Variants in PTPRO observed in about 807,000 individuals in gnomAD.
PTPRO encodes receptor-type tyrosine-protein phosphatase O.
Under a neutral mutation model 145.2 loss-of-function variants are expected in PTPRO, and 62 were observed. That is an observed-to-expected ratio of 0.43 (90% CI 0.35 to 0.53). The LOEUF is 0.53. Ranked by LOEUF, PTPRO falls within the 20% of genes least tolerant of loss-of-function variation. PTPRO has a pLI of 0.01. For missense variants in PTPRO, 1,345 were observed against 1,482.7 expected, an observed-to-expected ratio of 0.91 and a Z score of 1.53; for synonymous variants, 565 against 514.7, an observed-to-expected ratio of 1.10 and a Z score of -1.32.
chr12:15,402,198 G>A (rs908275590), intron 1 of PTPRO, among the ~76,000 whole-genome samples: 4 of 152,054 alleles, frequency 2.6e-5, no homozygotes, highest in South Asian at 2.1e-4. Context: ...GACCATCTTG[G>A]TCAACATGGT....
chr12:15,501,840 G>T lies in PTPRO; in HGVS notation c.882G>T (p.Thr294=). Residue 294 remains threonine, a synonymous_variant, in exon 5 of 27, where the codon ACG becomes ACT. Coordinates refer to ENST00000281171, the MANE Select transcript of PTPRO (RefSeq NM_030667.3). ...PDFNSSDYET[T]SQPYWWDSAS... is the part of the protein sequence containing the mutation. ...TTAATAGCAGTGACTATGAAACTAC[G>T]TCTCAGCCATATTGGTGGGACAGTG... 1.9e-6 allele frequency: 3 copies of T among 1,614,016 alleles called. No individual in the cohort carries two copies. The highest frequency in any genetic ancestry group is 2.5e-6 in the Non-Finnish European group (3 of 1,179,996).
At chr12:15,392,573 T>C (rs1939216312) in intron 1 of PTPRO, among the ~76,000 whole-genome samples, 1 of 151,784 alleles carries the variant, frequency 6.6e-6, no homozygotes, top group South Asian at 2.1e-4. Context: ...ATACAAAAAT[T>C]AGCCGGGCAT....
At chr12:15,569,694 G>A (rs932196934) in intron 19 of PTPRO, among the ~76,000 whole-genome samples, 196 bp downstream of exon 19, 1 of 152,202 alleles carries the variant, frequency 6.6e-6, no homozygotes, top group Non-Finnish European at 1.5e-5. Context: ...TGGCACAAAT[G>A]AGATGAGGGG....
chr12:15,348,780 C>T (rs1280112411), intron 1 of PTPRO: 1 of 138,618 alleles, frequency 7.2e-6, no homozygotes, highest in Non-Finnish European at 1.7e-5. Flanking sequence ...AGCGAGACTC[C>T]GTCTCAAAAA....
intron 1 of PTPRO, among the ~76,000 whole-genome samples, chr12:15,380,755 T>C (rs1938835805): frequency 6.6e-6 from 1 of 152,200 alleles, no homozygotes; most frequent in Admixed American, 6.5e-5. Flanking sequence ...AATTTTTTCT[T>C]GCACTAAAAA....
chr12:15,339,454 G>T (rs764768007), intron 1 of PTPRO, among the ~76,000 whole-genome samples: 1 of 152,108 alleles, frequency 6.6e-6, no homozygotes, highest in South Asian at 2.1e-4. Context: ...GCAGTGGTGT[G>T]CAGGAAAAAA....
chr12:15,562,741 CTTT>C (rs5796638), intron 17 of PTPRO, among the ~76,000 whole-genome samples: 1 of 144,430 alleles, frequency 6.9e-6, no homozygotes, highest in Admixed American at 6.9e-5. Context: ...AGTGTTAAAT[CTTT>C]TTTTTTTTTT....
At position 15,580,113 on chromosome 12, in the gene PTPRO, C is replaced by T; in HGVS notation, c.2995C>T (p.Pro999Ser). Residue 999 changes from proline (P) to serine (S), a missense_variant and splice_region_variant, in exon 21 of 27, where the codon CCT becomes TCT. Pro to Ser is a moderately conservative substitution (Grantham distance 74). Around this residue, in one of 3 missense-constraint regions of PTPRO, gnomAD observed 1,130 missense variants for 1,214.7 expected, o/e 0.93. Transcript: ENST00000281171. ...GADYINANYI[P>S]GYNSPQEYIA... is the part of the protein sequence containing the mutation. ...AGACTACATCAATGCCAACTATATT[C>T]CTGTAAGTAGAAAAAAAAAATCAGG... 6.2e-7 allele frequency: 1 copy of T among 1,610,520 alleles called. No homozygotes were observed.
intron 7 of PTPRO, among the ~76,000 whole-genome samples, chr12:15,511,057 T>C (rs1942430491): frequency 1.3e-5 from 2 of 151,452 alleles, no homozygotes; most frequent in South Asian, 4.2e-4. Context: ...TTAGCTATGC[T>C]GTCTAGTACA....
Position 15,546,713 on chromosome 12 carries a change from T to A in PTPRO, c.2304+5T>A, listed in dbSNP as rs766642209. 2 of 1,613,958 alleles carry A rather than the reference T, an allele frequency of 1.2e-6. No individual in the cohort carries two copies. Among genetic ancestry groups the A allele is most frequent in the Admixed American group, 3.3e-5 (2 of 60,004 alleles). ...AGTCAGAAAACCAAACTTCAGGTAC[T>A]GTACCTTTTGATCTACCTTTTCTCA... On this transcript the variant is annotated splice_donor_5th_base_variant and intron_variant, in intron 13 of 26. Coordinates refer to ENST00000281171, the MANE Select transcript of PTPRO (RefSeq NM_030667.3).
chr12:15,443,235 A>G (rs1940816986), intron 1 of PTPRO, among the ~76,000 whole-genome samples: 1 of 152,144 alleles, frequency 6.6e-6, no homozygotes, highest in Admixed American at 6.6e-5. Flanking sequence ...AATAAGCAAC[A>G]GGGAAATAAT....
intron 1 of PTPRO, among the ~76,000 whole-genome samples, chr12:15,429,356 T>C (rs1256747191): frequency 6.6e-6 from 1 of 152,168 alleles, no homozygotes. Flanking sequence ...AATTATCACA[T>C]GTTCTGAGAA....
intron 2 of PTPRO, among the ~76,000 whole-genome samples, chr12:15,496,895 T>A (rs1272359954): frequency 6.6e-6 from 1 of 152,224 alleles, no homozygotes; most frequent in Non-Finnish European, 1.5e-5. Context: ...ATACAGACTG[T>A]CATGTACTTG....
chr12:15,466,039 G>T (rs1037902931), intron 1 of PTPRO, among the ~76,000 whole-genome samples: 1 of 152,110 alleles, frequency 6.6e-6, no homozygotes, highest in African/African-American at 2.4e-5. Flanking sequence ...CAAAAGTATG[G>T]TTGAAAGAAG....
chr12:15,346,963 A>T (rs952330298), intron 1 of PTPRO, among the ~76,000 whole-genome samples: 1 of 152,060 alleles, frequency 6.6e-6, no homozygotes, highest in Non-Finnish European at 1.5e-5. Flanking sequence ...TCTGTTCCTC[A>T]CACTTGATAC....
intron 1 of PTPRO, among the ~76,000 whole-genome samples, chr12:15,432,647 G>T (rs534847142): frequency 1.3e-5 from 2 of 152,052 alleles, no homozygotes; most frequent in African/African-American, 4.8e-5. Flanking sequence ...CCTTTTCTCC[G>T]CAACCTTGCC....
intron 1 of PTPRO, among the ~76,000 whole-genome samples, chr12:15,379,389 G>A (rs376990776): frequency 2.0e-5 from 3 of 151,676 alleles, no homozygotes; most frequent in East Asian, 3.9e-4. Flanking sequence ...AAATTACCTG[G>A]GCATGGGGGC....
chr12:15,574,786 G>A (rs936712212), intron 19 of PTPRO, among the ~76,000 whole-genome samples: 2 of 152,094 alleles, frequency 1.3e-5, no homozygotes, highest in African/African-American at 4.8e-5. Context: ...GTAATCATGC[G>A]ATTCAGAAAC....
At chr12:15,434,255 T>A (rs1216065008) in intron 1 of PTPRO, among the ~76,000 whole-genome samples, 2 of 152,224 alleles carry the variant, frequency 1.3e-5, no homozygotes, top group African/African-American at 2.4e-5. Flanking sequence ...TCAGCTGTAA[T>A]ATCTTAAGTT....
Sources: gnomAD v4.1 joint callset for allele counts (sites outside exome capture counted in the v4.1 genomes callset) on GRCh38, gnomAD v4.1.1 for gene constraint, gnomAD v4.1.1 regional missense constraint, MANE v1.5 for transcripts, NCBI Gene and HGNC (gene_info 2026-07-23, HGNC 2026-07-21) for gene names.